CMIP: variants seen among roughly 807,000 people sequenced by gnomAD.
CMIP encodes c-Maf inducing protein.
A neutral mutation model predicts 97.3 loss-of-function variants in CMIP; 13 were observed. That is an observed-to-expected ratio of 0.13 (90% CI 0.09 to 0.21). The LOEUF (loss-of-function observed/expected upper bound fraction) is 0.21, where lower values mean the gene tolerates loss of function less well. CMIP is among the 10% of genes least tolerant of loss of function. The pLI is 1.00. For synonymous variants in CMIP, 538 were observed against 436.3 expected (o/e 1.23, Z -2.91); for missense variants, 847 against 1,024.9 (o/e 0.83, Z 2.37).
At chr16:81,457,916 C>T (rs1597447006) in intron 1 of CMIP, among the ~76,000 whole-genome samples, 2 of 152,224 alleles carry the variant, frequency 1.3e-5, no homozygotes, top group Non-Finnish European at 2.9e-5. Context: ...CGTTGGCAAG[C>T]TCCCCCCTAC....
At chr16:81,514,466 T>C (rs2089872815) in intron 1 of CMIP, among the ~76,000 whole-genome samples, 1 of 152,198 alleles carries the variant, frequency 6.6e-6, no homozygotes, top group African/African-American at 2.4e-5. Flanking sequence ...GGCTACTCAT[T>C]AGTCCATGAC....
chr16:81,616,120 C>T lies in CMIP; in HGVS notation c.427-4756C>T, dbSNP rs566197180. Among the ~76,000 whole-genome samples, 14 of 151,844 alleles carry T rather than the reference C, an allele frequency of 9.2e-5. No individual in the cohort carries two copies. The highest frequency in any genetic ancestry group is 3.4e-4 in the African/African-American group (14 of 41,340). ...TGTCCTCAGCCCGGCATCTCTGTGC[C>T]TTGCCTTACATGTCATTAATTCATT... On this transcript the variant is annotated intron_variant, in intron 2 of 20. Transcript: ENST00000537098. This position sits in a 1 kb window ranked among gnomAD's most constrained non-coding sequence, Gnocchi z 4.7.
chr16:81,571,611 A>G (rs976909744), intron 1 of CMIP, among the ~76,000 whole-genome samples: 1 of 142,186 alleles, frequency 7.0e-6, no homozygotes, highest in Admixed American at 7.1e-5. Context: ...AAAAAAAAAA[A>G]TTAAGAAAAG....
At chr16:81,494,949 G>C (rs1036821381) in intron 1 of CMIP, among the ~76,000 whole-genome samples, 2 of 152,206 alleles carry the variant, frequency 1.3e-5, no homozygotes, top group African/African-American at 4.8e-5. Flanking sequence ...AAGTCATTGA[G>C]GTACAGAGCA....
chr16:81,670,296 C>A, intron 8 of CMIP, 51 bp downstream of exon 8: 1 of 1,548,130 alleles, frequency 6.5e-7, no homozygotes, highest in South Asian at 1.2e-5. Flanking sequence ...ACTTTCCTCT[C>A]GGATCCTGTT....
intron 7 of CMIP, 93 bp from the exon 8 acceptor site, chr16:81,670,049 C>G (rs2092666932): frequency 8.2e-7 from 1 of 1,217,298 alleles, no homozygotes; most frequent in Non-Finnish European, 1.2e-6. Context: ...CCAGGCAGAG[C>G]TCGGTCCCGC....
rs1356717105 is a variant in CMIP, at chr16:81,614,879, A to T, written c.427-5997A>T. Reference sequence around the variant, plus strand: ...CTCTGTGTGTGCATGTGTGTGTGGTATGTGCATGTGTGTGTGTCCTGTGTC... The same window carrying T: ...CTCTGTGTGTGCATGTGTGTGTGGTTTGTGCATGTGTGTGTGTCCTGTGTC... On this transcript the variant is annotated intron_variant, in intron 2 of 20. Coordinates refer to ENST00000537098, the MANE Select transcript of CMIP (RefSeq NM_198390.3). The surrounding 1 kb of genome is among the most constrained non-coding windows in gnomAD (Gnocchi z 5.3). Among the ~76,000 whole-genome samples the T allele has an allele frequency of 2.1e-5, 3 of 141,106 alleles. No individual in the cohort carries two copies. Among genetic ancestry groups the T allele is most frequent in the African/African-American group, 8.1e-5 (3 of 37,106 alleles). The allele number at this position is 141,106 out of a possible 152,430, so 92.6% of individuals were successfully genotyped here.
At chr16:81,503,032 C>G (rs2089641126) in intron 1 of CMIP, among the ~76,000 whole-genome samples, 1 of 152,172 alleles carries the variant, frequency 6.6e-6, no homozygotes, top group Non-Finnish European at 1.5e-5. Flanking sequence ...AGCCAGAGAT[C>G]TACTCTGGCC....
chr16:81,683,735 A>C (rs991737741), intron 10 of CMIP, among the ~76,000 whole-genome samples: 1 of 101,390 alleles, frequency 9.9e-6, no homozygotes, highest in Non-Finnish European at 2.1e-5. Flanking sequence ...TCTTTCTTAT[A>C]TGTGTTTATT....
chr16:81,565,382 G>A (rs1426205165), intron 1 of CMIP, among the ~76,000 whole-genome samples: 1 of 152,210 alleles, frequency 6.6e-6, no homozygotes. Context: ...CAGGTGGGCA[G>A]GGGCCAGAGC....
At chr16:81,510,710 T>C (rs1157772166) in intron 1 of CMIP, among the ~76,000 whole-genome samples, 1 of 152,100 alleles carries the variant, frequency 6.6e-6, no homozygotes, top group African/African-American at 2.4e-5. Flanking sequence ...TCACAAACCT[T>C]TATTTTGTTT....
chr16:81,631,167 A>T (rs962911660), intron 3 of CMIP: 3 of 152,250 alleles, frequency 2.0e-5, no homozygotes, highest in African/African-American at 7.2e-5. Context: ...AGAGGGAGAG[A>T]AAAACAATTA....
chr16:81,615,761 C>G (rs990624000), intron 2 of CMIP, among the ~76,000 whole-genome samples: 1 of 151,504 alleles, frequency 6.6e-6, no homozygotes, highest in Non-Finnish European at 1.5e-5. Flanking sequence ...GTGTATGTGT[C>G]TTTGTGTGTG....
intron 1 of CMIP, among the ~76,000 whole-genome samples, chr16:81,500,272 G>GCCCTTCCTTCCTTCCT: frequency 1.5e-5 from 1 of 64,836 alleles, no homozygotes; most frequent in Admixed American, 1.9e-4. Flanking sequence ...CCTTCCTTCC[G>GCCCTTCCTTCCTTCCT]TCCTTCCTTC....
chr16:81,673,649 C>T (rs997442392), intron 9 of CMIP, among the ~76,000 whole-genome samples: 1 of 152,224 alleles, frequency 6.6e-6, no homozygotes, highest in Non-Finnish European at 1.5e-5. Flanking sequence ...GTTGCTCCGC[C>T]GAGGCTGGCG....
chr16:81,645,025 T>G (rs1020532309), intron 3 of CMIP, among the ~76,000 whole-genome samples: 8 of 152,234 alleles, frequency 5.3e-5, no homozygotes, highest in African/African-American at 1.7e-4. Flanking sequence ...CATTCTGCGA[T>G]GATGAAAATG....
At chr16:81,693,101 T>C in intron 11 of CMIP, 57 bp from the exon 12 acceptor site, 12 of 1,386,140 alleles carry the variant, frequency 8.7e-6, no homozygotes, top group South Asian at 1.2e-5. Flanking sequence ...CTTGGGAACA[T>C]TGTGCTGTTT....
intron 1 of CMIP, chr16:81,464,202 G>A (rs898963): frequency 0.46 from 69,244 of 152,146 alleles, 16,075 homozygotes; most frequent in Admixed American, 0.55. Flanking sequence ...GAGTCTCCCA[G>A]GGGAAGTGGC....
At chr16:81,692,052 AC>A (rs1043500218) in intron 11 of CMIP, among the ~76,000 whole-genome samples, 2 of 152,148 alleles carry the variant, frequency 1.3e-5, no homozygotes, top group African/African-American at 4.8e-5. Context: ...ACTCAGGAGA[AC>A]AGGGACATTG....
Sources: gnomAD v4.1 joint callset for allele counts (sites outside exome capture counted in the v4.1 genomes callset) on GRCh38, gnomAD v4.1.1 for gene constraint, Gnocchi (gnomAD v3.1) non-coding constraint, MANE v1.5 for transcripts, NCBI Gene and HGNC (gene_info 2026-07-23, HGNC 2026-07-21) for gene names.